The following MTMR14 variants were observed in gnomAD, a reference collection of about 807,000 sequenced individuals.
MTMR14 encodes the protein phosphatidylinositol-3,5-bisphosphate 3-phosphatase MTMR14.
In MTMR14, 48 loss-of-function variants were observed where a neutral mutation model predicts 86.3. That is an observed-to-expected ratio of 0.56 (90% CI 0.44 to 0.71). MTMR14 has a LOEUF of 0.71. Among genes scored for constraint, MTMR14 ranks in the 30% least tolerant of loss-of-function variants. The pLI is 0.00. For missense variants in MTMR14, 780 were observed against 834.6 expected (o/e 0.93, Z 0.81); for synonymous variants, 366 against 326.1 (o/e 1.12, Z -1.32).
intron 2 of MTMR14, chr3:9,659,654 G>C (rs1333874473): frequency 2.2e-6 from 1 of 453,876 alleles, no homozygotes; most frequent in Non-Finnish European, 4.4e-6. Context: ...ATGTTGGCCA[G>C]GCTGGTCTTT....
At chr3:9,683,308 GCCT>G (rs760570173) in intron 10 of MTMR14, 64 bp downstream of exon 10, 10 of 1,465,742 alleles carry the variant, frequency 6.8e-6, no homozygotes, top group South Asian at 4.5e-5. Flanking sequence ...AGTTCATTCT[GCCT>G]CAACTGTATG....
intron 17 of MTMR14, among the ~76,000 whole-genome samples, chr3:9,691,732 C>T (rs1330093626): frequency 6.6e-6 from 1 of 152,186 alleles, no homozygotes; most frequent in African/African-American, 2.4e-5. Flanking sequence ...GTCTCAGGCT[C>T]TTGTAGCCAG....
chr3:9,655,435 A>G (rs1188880795), intron 2 of MTMR14, among the ~76,000 whole-genome samples: 1 of 149,668 alleles, frequency 6.7e-6, no homozygotes, highest in Non-Finnish European at 1.5e-5. Context: ...TTTCCAGTCT[A>G]CATTCTGTGA....
intron 2 of MTMR14, among the ~76,000 whole-genome samples, chr3:9,656,493 C>A (rs554939848): frequency 4.9e-4 from 74 of 152,016 alleles, no homozygotes; most frequent in African/African-American, 1.7e-3. Flanking sequence ...GCCATCTTGG[C>A]TCACTGTAAC....
chr3:9,649,510 C>G lies in MTMR14; in HGVS notation c.-74C>G. On this transcript the variant is annotated 5_prime_UTR_variant, in exon 1 of 19. Transcript: ENST00000296003. Reference sequence around the variant, plus strand: ...GGTGGCTGAGGCGGTTCCGGAGGTTCTAGTGTCGGAGTTGGGTGCAGGCAG... The same window carrying G: ...GGTGGCTGAGGCGGTTCCGGAGGTTGTAGTGTCGGAGTTGGGTGCAGGCAG... 6.8e-7 allele frequency: 1 copy of G among 1,481,020 alleles called. No homozygotes were observed. The highest frequency in any genetic ancestry group is 1.4e-5 in the African/African-American group (1 of 70,998). 91.7% of individuals were successfully genotyped at this position (1,481,020 alleles called of 1,614,324 possible).
In MTMR14 at chr3:9,677,504, C is replaced by A; in HGVS notation, c.822+117C>A. ...AGCAGTCTTTGGGGAAAATAACTCC[C>A]CTTTCCTCCCTGATTGTTTCTGTCT... On this transcript the variant is annotated intron_variant, in intron 8 of 18. Coordinates refer to ENST00000296003, the MANE Select transcript of MTMR14 (RefSeq NM_001077525.3). This position sits in a 1 kb window ranked among gnomAD's most constrained non-coding sequence, Gnocchi z 4.2. 2.4e-6 allele frequency: 2 copies of A among 838,788 alleles called. No homozygotes were observed. The highest frequency in any genetic ancestry group is 2.5e-5 in the East Asian group (1 of 39,516). 52.0% of individuals were successfully genotyped at this position (838,788 alleles called of 1,614,324 possible).
intron 3 of MTMR14, among the ~76,000 whole-genome samples, chr3:9,667,039 A>G (rs538394709): frequency 1.3e-5 from 2 of 152,346 alleles, no homozygotes; most frequent in East Asian, 1.9e-4. Context: ...GGCTGCCTCA[A>G]TTACTAAAAA....
At chr3:9,681,116 C>T (rs1405136754) in intron 9 of MTMR14, among the ~76,000 whole-genome samples, 1 of 152,152 alleles carries the variant, frequency 6.6e-6, no homozygotes, top group Non-Finnish European at 1.5e-5. Context: ...TCATATTCAC[C>T]CTTGTGTGCC....
In MTMR14 at chr3:9,684,869, C is replaced by G. The variant is rs752632578; in HGVS notation, c.1051-19C>G. 6.2e-6 allele frequency: 10 copies of G among 1,613,354 alleles called. 1 individual carries two copies. Among genetic ancestry groups the G allele is most frequent in the Middle Eastern group, 1.7e-4 (1 of 6,060 alleles). ...GGATGAGAAGAGGGCTCTGTCACAT[C>G]TCCTGTGGTCTCTTCCAGGATGGGC... On this transcript the variant is annotated intron_variant, in intron 11 of 18. Coordinates refer to ENST00000296003, the MANE Select transcript of MTMR14 (RefSeq NM_001077525.3).
chr3:9,696,596 A>C (rs2076288274), intron 17 of MTMR14, among the ~76,000 whole-genome samples: 1 of 152,196 alleles, frequency 6.6e-6, no homozygotes, highest in African/African-American at 2.4e-5. Context: ...ATGGTTAAGG[A>C]TTGCCAGAGT....
At position 9,671,117 on chromosome 3, in the gene MTMR14, C is replaced by A; in HGVS notation, c.624C>A (p.Val208=). Residue 208 remains valine, a synonymous_variant, in exon 6 of 19, where the codon GTC becomes GTA. Transcript: ENST00000296003. ...TCAAGCTGCTTCGATACCTGTCAGT[C>A]AAATACATCTGTGACCTGATGGTGG... The part of the protein sequence containing the change: ...YDIKLLRYLS[V]KYICDLMVEN... The A allele has an allele frequency of 6.2e-7, 1 of 1,614,138 alleles. No individual in the cohort carries two copies. The highest frequency in any genetic ancestry group is 8.5e-7 in the Non-Finnish European group (1 of 1,180,020).
chr3:9,697,754 T>A lies in MTMR14; in HGVS notation c.1657T>A (p.Tyr553Asn). ...GCCCGGATCCTCTCTCTCCACAGAC[T>A]ATGGCAGCTGGCAGATGGTAACGGG... is the stretch of plus-strand genomic sequence containing the variant. ...PLPGSSLSTD[Y>N]GSWQMVTGCG... The change falls in exon 18 of 19, where the codon TAT becomes AAT. Residue 553 changes from tyrosine (Y) to asparagine (N), a missense_variant. Coordinates refer to ENST00000296003, the MANE Select transcript of MTMR14 (RefSeq NM_001077525.3). 1 of 1,614,156 alleles carries A rather than the reference T, an allele frequency of 6.2e-7. No homozygotes were observed. The highest frequency in any genetic ancestry group is 8.5e-7 in the Non-Finnish European group (1 of 1,180,008).
intron 17 of MTMR14, among the ~76,000 whole-genome samples, chr3:9,695,081 T>A (rs1237466585): frequency 1.3e-5 from 2 of 152,154 alleles, no homozygotes; most frequent in African/African-American, 4.8e-5. Flanking sequence ...GATCCCTCTG[T>A]TTGCTGCTCA....
intron 4 of MTMR14, among the ~76,000 whole-genome samples, 154 bp downstream of exon 4, chr3:9,668,948 G>A (rs997655351): frequency 6.6e-6 from 1 of 152,048 alleles, no homozygotes; most frequent in African/African-American, 2.4e-5. Flanking sequence ...GACCATCCTG[G>A]CTAACACGGT....
At chr3:9,682,593 A>T (rs774797028) in intron 9 of MTMR14, among the ~76,000 whole-genome samples, 1 of 152,180 alleles carries the variant, frequency 6.6e-6, no homozygotes, top group African/African-American at 2.4e-5. Flanking sequence ...CTCCCACCTC[A>T]TGGGCCTCCT....
At chr3:9,675,026 G>A (rs1025714713) in intron 7 of MTMR14, among the ~76,000 whole-genome samples, 26 of 152,234 alleles carry the variant, frequency 1.7e-4, no homozygotes, top group African/African-American at 6.0e-4. Flanking sequence ...CAGGAGAATC[G>A]CTTGAACCCA....
rs187722798 is a variant in MTMR14, at chr3:9,685,439, G to A, written c.1164+192G>A. Among the ~76,000 whole-genome samples, 127 of 152,262 alleles carry A rather than the reference G, an allele frequency of 8.3e-4. 2 individuals are homozygous for A. The East Asian group carries it at 0.02, about 25-fold the overall frequency. ...ACAGTAGCTCTGTGTTCTGGGCCTCGCGGGCCTGTGCTGTGGAGAGGATAC... is the reference window on the plus strand; with the variant it reads ...ACAGTAGCTCTGTGTTCTGGGCCTCACGGGCCTGTGCTGTGGAGAGGATAC... On this transcript the variant is annotated intron_variant, in intron 13 of 18. Transcript: ENST00000296003.
At chr3:9,687,776 T>C (rs2076008791) in intron 13 of MTMR14, 45 bp from the exon 14 acceptor site, 1 of 1,529,566 alleles carries the variant, frequency 6.5e-7, no homozygotes, top group Non-Finnish European at 8.9e-7. Context: ...GGAGTTCTGC[T>C]GCCTTGGTTC....
intron 13 of MTMR14, among the ~76,000 whole-genome samples, chr3:9,686,014 T>C (rs930259001): frequency 2.0e-5 from 3 of 152,140 alleles, no homozygotes; most frequent in Non-Finnish European, 2.9e-5. Context: ...CAGCTCCTTC[T>C]CTTTGGCCCC....
Sources: allele counts gnomAD v4.1 joint callset (sites outside exome capture counted in the v4.1 genomes callset), GRCh38; gene constraint gnomAD v4.1.1; non-coding constraint Gnocchi (gnomAD v3.1); transcripts MANE v1.5; gene names NCBI Gene and HGNC (gene_info 2026-07-23, HGNC 2026-07-21).